Variants in ITSN1 observed in about 807,000 individuals in gnomAD.
The protein encoded by ITSN1 is intersectin 1.
Under a neutral mutation model 239.8 loss-of-function variants are expected in ITSN1, and 58 were observed. The observed-to-expected ratio is 0.24, with a 90% CI of 0.20 to 0.30. The LOEUF is 0.30. ITSN1 is among the 10% of genes least tolerant of loss of function. The pLI is 1.00. For missense variants in ITSN1, 1,558 were observed against 2,103.3 expected (o/e 0.74, Z 5.07); for synonymous variants, 780 against 770.8 (o/e 1.01, Z -0.20).
Position 33,892,454 on chromosome 21 carries a change from GACC to G in ITSN1, c.*4156_*4158del, listed in dbSNP as rs1413480386. The G allele has an allele frequency of 1.3e-5, 2 of 152,310 alleles. No individual in the cohort carries two copies. The highest frequency in any genetic ancestry group is 6.5e-5 in the Admixed American group (1 of 15,306). The allele number at this position is 152,310 out of a possible 1,614,324, so 9.4% of individuals were successfully genotyped here. On this transcript the variant is annotated 3_prime_UTR_variant, in exon 40 of 40. Transcript: ENST00000381318. ...CCTTTTCCCTGGAGTGGACCAGTGA[GACC>G]AAATGCTTGTGTTTCTCTATGTTTT...
At position 33,882,475 on chromosome 21, in the gene ITSN1, T is replaced by C. The variant is rs1354398594; in HGVS notation, c.4554+20T>C. The stretch of plus-strand genomic sequence containing the variant: ...AAAACAGTAAGTTGGATTCTAGATT[T>C]TGCATTATCAGGGTTGACGTGTTTG... On this transcript the variant is annotated intron_variant, in intron 35 of 39. Coordinates refer to ENST00000381318, the MANE Select transcript of ITSN1 (RefSeq NM_003024.3). The surrounding 1 kb of genome is among the most constrained non-coding windows in gnomAD (Gnocchi z 4.5). 1 of 1,605,426 alleles carries C rather than the reference T, an allele frequency of 6.2e-7. No individual in the cohort carries two copies. Among genetic ancestry groups the C allele is most frequent in the Non-Finnish European group, 8.5e-7 (1 of 1,173,554 alleles).
chr21:33,674,101 T>C (rs1305890542), intron 1 of ITSN1, among the ~76,000 whole-genome samples: 5 of 152,228 alleles, frequency 3.3e-5, no homozygotes, highest in African/African-American at 1.2e-4. Flanking sequence ...AATGTGTTCC[T>C]TGAGGCAGCC....
At chr21:33,703,992 TCAGA>T (rs2092138135) in intron 1 of ITSN1, among the ~76,000 whole-genome samples, 1 of 152,200 alleles carries the variant, frequency 6.6e-6, no homozygotes, top group Non-Finnish European at 1.5e-5. Flanking sequence ...GCCAGGGACC[TCAGA>T]GAGAAGAATG....
At chr21:33,881,544 G>A (rs1484798906) in intron 34 of ITSN1, among the ~76,000 whole-genome samples, 1 of 152,180 alleles carries the variant, frequency 6.6e-6, no homozygotes, top group Non-Finnish European at 1.5e-5. Flanking sequence ...CTGCTTTCCA[G>A]AAGCTCAAAG....
At chr21:33,874,390 C>T (rs1983319913) in intron 33 of ITSN1, among the ~76,000 whole-genome samples, 1 of 152,114 alleles carries the variant, frequency 6.6e-6, no homozygotes, top group African/African-American at 2.4e-5. Context: ...GCCACCGCTC[C>T]TCTTATGCCC....
At chr21:33,794,510 T>A (rs573441789) in intron 17 of ITSN1, 42 bp downstream of exon 17, 1 of 1,576,210 alleles carries the variant, frequency 6.3e-7, no homozygotes, top group Admixed American at 2.0e-5. Flanking sequence ...GAAGGAACTT[T>A]GAGGATTTAC....
At position 33,894,646 on chromosome 21, in the gene ITSN1, C is replaced by T. The variant is rs1986583434; in HGVS notation, c.*6346C>T. 6.6e-6 allele frequency: 1 copy of T among 152,086 alleles called. No individual in the cohort carries two copies. Among genetic ancestry groups the T allele is most frequent in the Non-Finnish European group, 1.5e-5 (1 of 68,030 alleles). 9.4% of individuals were successfully genotyped at this position (152,086 alleles called of 1,614,324 possible). On this transcript the variant is annotated 3_prime_UTR_variant, in exon 40 of 40. Transcript: ENST00000381318. Reference sequence around the variant, plus strand: ...GGTAAGAATGCGTATTTTCTTCTTCCAGAAGTTCTGGTTTTATACTTTTAT... The same window carrying T: ...GGTAAGAATGCGTATTTTCTTCTTCTAGAAGTTCTGGTTTTATACTTTTAT...
At chr21:33,651,567 A>G (rs907597402) in intron 1 of ITSN1, among the ~76,000 whole-genome samples, 2 of 152,264 alleles carry the variant, frequency 1.3e-5, no homozygotes, top group African/African-American at 4.8e-5. Context: ...GATCAAATGA[A>G]ATAGCAGTGT....
chr21:33,660,131 T>C (rs889994312), intron 1 of ITSN1, among the ~76,000 whole-genome samples: 3 of 152,200 alleles, frequency 2.0e-5, no homozygotes, highest in Non-Finnish European at 4.4e-5. Context: ...TATATATTTT[T>C]TCACTTTACT....
intron 24 of ITSN1, among the ~76,000 whole-genome samples, chr21:33,821,912 G>A (rs1429765035): frequency 6.6e-6 from 1 of 152,212 alleles, no homozygotes; most frequent in Non-Finnish European, 1.5e-5. Flanking sequence ...TGAGAGTATG[G>A]AGAAGTCAGA....
chr21:33,809,542 A>G (rs1447088023), intron 20 of ITSN1, among the ~76,000 whole-genome samples: 1 of 152,180 alleles, frequency 6.6e-6, no homozygotes, highest in East Asian at 1.9e-4. Flanking sequence ...TGGTTTGTTT[A>G]ATGTAATCAT....
chr21:33,852,348 G>A (rs1476264485), intron 29 of ITSN1, among the ~76,000 whole-genome samples: 1 of 152,188 alleles, frequency 6.6e-6, no homozygotes, highest in African/African-American at 2.4e-5. Flanking sequence ...CATTGGGAAA[G>A]GTAGAATAAT....
At chr21:33,875,583 G>C (rs993277075) in intron 34 of ITSN1, 62 bp downstream of exon 34, 56 of 1,518,398 alleles carry the variant, frequency 3.7e-5, no homozygotes, top group Non-Finnish European at 4.7e-5. Flanking sequence ...CCAGCCTGGA[G>C]GAGGACAAAG....
chr21:33,718,775 A>T, intron 1 of ITSN1, 22 bp from the exon 2 acceptor site: 1 of 1,523,972 alleles, frequency 6.6e-7, no homozygotes, highest in Non-Finnish European at 9.1e-7. Flanking sequence ...CATAAACTTA[A>T]ATGTTGCATT....
At chr21:33,653,758 G>A (rs1302054854) in intron 1 of ITSN1, among the ~76,000 whole-genome samples, 4 of 151,972 alleles carry the variant, frequency 2.6e-5, no homozygotes, top group Admixed American at 2.0e-4. Flanking sequence ...TCCTGACCTC[G>A]TGATCCGCCC....
At chr21:33,778,193 A>G (rs1356396265) in intron 14 of ITSN1, among the ~76,000 whole-genome samples, 3 of 152,150 alleles carry the variant, frequency 2.0e-5, no homozygotes, top group African/African-American at 7.2e-5. Flanking sequence ...TTATTTTATT[A>G]AGGATCTTTT....
chr21:33,836,275 A>G (rs910630694), intron 28 of ITSN1, among the ~76,000 whole-genome samples, 166 bp from the exon 29 acceptor site: 2 of 152,176 alleles, frequency 1.3e-5, no homozygotes, highest in Non-Finnish European at 2.9e-5. Context: ...TTAATTCTTC[A>G]CCTTTATTGC....
At chr21:33,671,103 G>A (rs530092898) in intron 1 of ITSN1, among the ~76,000 whole-genome samples, 6 of 152,268 alleles carry the variant, frequency 3.9e-5, no homozygotes, top group Admixed American at 1.3e-4. Context: ...TTCAAAAGTC[G>A]TATGGGACAA....
chr21:33,659,584 A>G (rs2089380323), intron 1 of ITSN1, among the ~76,000 whole-genome samples: 1 of 151,200 alleles, frequency 6.6e-6, no homozygotes, highest in Admixed American at 6.6e-5. Flanking sequence ...TGCCTATAGT[A>G]TTTTTGAATA....
Sources: allele counts gnomAD v4.1 joint callset (sites outside exome capture counted in the v4.1 genomes callset), GRCh38; gene constraint gnomAD v4.1.1; non-coding constraint Gnocchi (gnomAD v3.1); transcripts MANE v1.5; gene names NCBI Gene and HGNC (gene_info 2026-07-23, HGNC 2026-07-21).